ANO4: variants seen among roughly 807,000 people sequenced by gnomAD.
ANO4 encodes anoctamin-4.
ANO4 carries 69 observed loss-of-function variants against 141.9 expected under a neutral mutation model. That is an observed-to-expected ratio of 0.49 (90% CI 0.40 to 0.59). ANO4 has a LOEUF of 0.59. Ranked by LOEUF, ANO4 falls within the 20% of genes least tolerant of loss-of-function variation. The probability of loss-of-function intolerance (pLI) is 0.00; values close to 1 mark genes in which losing one functional copy is unlikely to be tolerated. For missense variants in ANO4, 894 were observed against 1,162.2 expected (o/e 0.77, Z 3.36); for synonymous variants, 350 against 394.3 (o/e 0.89, Z 1.33).
chr12:100,890,816 G>T (rs552481085), intron 1 of ANO4, among the ~76,000 whole-genome samples: 1 of 152,294 alleles, frequency 6.6e-6, no homozygotes, highest in South Asian at 2.1e-4. Flanking sequence ...TCCATAGTGT[G>T]TATTAGCGTT....
intron 1 of ANO4, among the ~76,000 whole-genome samples, chr12:100,854,663 C>T (rs1253567972): frequency 1.3e-5 from 2 of 152,094 alleles, no homozygotes; most frequent in Non-Finnish European, 2.9e-5. Flanking sequence ...CTTTTATTCC[C>T]ACAGAGTTAT....
intron 1 of ANO4, among the ~76,000 whole-genome samples, chr12:100,843,856 G>A (rs1006086736): frequency 1.3e-5 from 2 of 152,182 alleles, no homozygotes; most frequent in Non-Finnish European, 2.9e-5. Flanking sequence ...TTGAAAAACT[G>A]ACCAGGATGA....
chr12:101,117,325 T>G (rs1158261558), intron 25 of ANO4, among the ~76,000 whole-genome samples: 3 of 152,196 alleles, frequency 2.0e-5, no homozygotes, highest in Non-Finnish European at 4.4e-5. Context: ...AGGAAATGAA[T>G]TAAACTGTGC....
At chr12:100,943,510 G>T (rs887137231) in intron 5 of ANO4, among the ~76,000 whole-genome samples, 2 of 152,102 alleles carry the variant, frequency 1.3e-5, no homozygotes, top group African/African-American at 4.8e-5. Flanking sequence ...AGATAAATGG[G>T]ATTTTTTTCA....
intron 22 of ANO4, among the ~76,000 whole-genome samples, chr12:101,109,567 A>G (rs2137009493): frequency 6.6e-6 from 1 of 152,306 alleles, no homozygotes; most frequent in African/African-American, 2.4e-5. Context: ...TCTCAAAAAA[A>G]AACAAAAAAC....
intron 25 of ANO4, among the ~76,000 whole-genome samples, 198 bp downstream of exon 25, chr12:101,116,996 AG>A (rs1463849710): frequency 1.3e-5 from 2 of 152,242 alleles, no homozygotes; most frequent in African/African-American, 2.4e-5. Context: ...ACAGAATGTC[AG>A]GGAGTGGAAC....
At chr12:100,892,303 C>G (rs2040143328) in intron 1 of ANO4, among the ~76,000 whole-genome samples, 1 of 152,064 alleles carries the variant, frequency 6.6e-6, no homozygotes, top group African/African-American at 2.4e-5. Flanking sequence ...TTAAATCACT[C>G]TTTATGAATT....
rs149703696 is a variant in ANO4 at position 101,088,617 on chromosome 12, TG to T, written c.1701+1794del. 1.2e-3 allele frequency among the ~76,000 whole-genome samples: 188 copies of T among 152,250 alleles called. 1 individual carries two copies. The highest frequency in any genetic ancestry group is 4.2e-3 in the African/African-American group (175 of 41,560). On this transcript the variant is annotated intron_variant, in intron 17 of 27. Coordinates refer to ENST00000392977, the MANE Select transcript of ANO4 (RefSeq NM_001286615.2). ...TGTGTAAATTGTTGTTGCTATTTTT[TG>T]TAGAACAAAAGTAGTGCCTGACATG...
intron 9 of ANO4, 41 bp from the exon 10 acceptor site, chr12:101,037,054 A>C (rs776860930): frequency 6.3e-7 from 1 of 1,590,792 alleles, no homozygotes; most frequent in South Asian, 1.1e-5. Flanking sequence ...GTGAGTATTC[A>C]AACTCTGTAT....
intron 1 of ANO4, among the ~76,000 whole-genome samples, chr12:100,878,398 T>C (rs1008632674): frequency 3.9e-5 from 6 of 152,222 alleles, no homozygotes; most frequent in Admixed American, 2.0e-4. Context: ...CTTTGCCTTC[T>C]CTATCCATTT....
At chr12:100,967,285 C>T (rs1467895623) in intron 5 of ANO4, among the ~76,000 whole-genome samples, 1 of 151,996 alleles carries the variant, frequency 6.6e-6, no homozygotes, top group East Asian at 1.9e-4. Flanking sequence ...ATTTTCATTT[C>T]TTTTCACTTT....
intron 1 of ANO4, among the ~76,000 whole-genome samples, chr12:100,850,755 A>T (rs941974871): frequency 5.9e-5 from 9 of 152,092 alleles, no homozygotes; most frequent in Non-Finnish European, 1.2e-4. Context: ...TATCATATGA[A>T]TGCAGAAATT....
intron 1 of ANO4, among the ~76,000 whole-genome samples, chr12:100,816,149 T>G (rs2035729934): frequency 6.6e-6 from 1 of 152,096 alleles, no homozygotes; most frequent in South Asian, 2.1e-4. Context: ...TTTCATTAAT[T>G]CATTAATTTA....
chr12:101,077,366 C>T (rs956387375), intron 14 of ANO4, among the ~76,000 whole-genome samples: 1 of 152,146 alleles, frequency 6.6e-6, no homozygotes, highest in African/African-American at 2.4e-5. Flanking sequence ...TGTAATAAAT[C>T]TTAGCCATCA....
chr12:100,970,663 C>CGCCTGCCTTCCTTCCTTCCTTCCTTCCT (rs372004015), intron 5 of ANO4, among the ~76,000 whole-genome samples: 1 of 91,752 alleles, frequency 1.1e-5, no homozygotes, highest in Non-Finnish European at 2.2e-5. Flanking sequence ...CTCCCTCCCT[C>CGCCTGCCTTCCTTCCTTCCTTCCTTCCT]TCCTTCCTTC....
At position 100,881,083 on chromosome 12, in the gene ANO4, A is replaced by G. The variant is rs141063540; in HGVS notation, c.-140-20563A>G. 1.8e-3 allele frequency among the ~76,000 whole-genome samples: 243 copies of G among 137,478 alleles called. 2 individuals carry two copies. The highest frequency in any genetic ancestry group is 6.0e-3 in the African/African-American group (225 of 37,432). The allele number at this position is 137,478 out of a possible 152,430, so 90.2% of individuals were successfully genotyped here. A position where few individuals can be genotyped will look rare whatever the true frequency, so the allele number is the denominator to read the frequency against. Reference sequence around the variant, plus strand: ...AGTATGATGGTTTCCAGTTTCATCCATGTCCCTACATGGACACAGGAAGGG... The same window carrying G: ...AGTATGATGGTTTCCAGTTTCATCCGTGTCCCTACATGGACACAGGAAGGG... On this transcript the variant is annotated intron_variant, in intron 1 of 27. Transcript: ENST00000392977.
At position 100,801,828 on chromosome 12, in the gene ANO4, C is replaced by T. The variant is rs112328708; in HGVS notation, c.-141+6801C>T. Among the ~76,000 whole-genome samples the T allele has an allele frequency of 8.4e-3, 1,275 of 152,186 alleles. 17 individuals carry two copies. Among genetic ancestry groups the T allele is most frequent in the African/African-American group, 0.029 (1,199 of 41,506 alleles). On this transcript the variant is annotated intron_variant, in intron 1 of 27. Transcript: ENST00000392977. ...GGGGAGATGGGAATGGTATCAGGAACTCTAAATGCTGTTTATTATTTTTGA... is the reference window on the plus strand; with the variant it reads ...GGGGAGATGGGAATGGTATCAGGAATTCTAAATGCTGTTTATTATTTTTGA...
chr12:101,078,361 G>A (rs1054745643), intron 14 of ANO4, among the ~76,000 whole-genome samples: 3 of 151,834 alleles, frequency 2.0e-5, no homozygotes, highest in Admixed American at 2.0e-4. Flanking sequence ...GTGTGTGTGT[G>A]TGCCCCTGTA....
Position 101,126,876 on chromosome 12 carries a change from T to C in ANO4, c.2677-3T>C. Reference sequence around the variant, plus strand: ...GACGCTGTTACATTCTCCTCTGTTTTAGCACCTCGTGTTTTGTATAAAGCA... The same window carrying C: ...GACGCTGTTACATTCTCCTCTGTTTCAGCACCTCGTGTTTTGTATAAAGCA... On this transcript the variant is annotated splice_region_variant and splice_polypyrimidine_tract_variant and intron_variant, in intron 26 of 27. Coordinates refer to ENST00000392977, the MANE Select transcript of ANO4 (RefSeq NM_001286615.2). The C allele has an allele frequency of 6.2e-7, 1 of 1,613,210 alleles. No homozygotes were observed. The highest frequency in any genetic ancestry group is 8.5e-7 in the Non-Finnish European group (1 of 1,179,364).
Sources: allele counts gnomAD v4.1 joint callset (sites outside exome capture counted in the v4.1 genomes callset), GRCh38; gene constraint gnomAD v4.1.1; transcripts MANE v1.5; gene names NCBI Gene and HGNC (gene_info 2026-07-23, HGNC 2026-07-21).